Variants in BCAS3 observed in about 807,000 individuals in gnomAD.
BCAS3 encodes the protein BCAS4/BCAS3 fusion.
BCAS3 carries 53 observed loss-of-function variants against 116.1 expected under a neutral mutation model. The ratio of observed to expected loss-of-function variants is 0.46; its 90% CI spans 0.37 to 0.57. The LOEUF (loss-of-function observed/expected upper bound fraction) is 0.57, where lower values mean the gene tolerates loss of function less well. Ranked by LOEUF, BCAS3 falls within the 20% of genes least tolerant of loss-of-function variation. BCAS3 has a pLI of 0.00. For missense variants in BCAS3, 917 were observed against 1,165.4 expected, an observed-to-expected ratio of 0.79 and a Z score of 3.10; for synonymous variants, 391 against 408.2, an observed-to-expected ratio of 0.96 and a Z score of 0.51.
chr17:61,220,079 C>T lies in BCAS3; in HGVS notation c.2425+135515C>T, dbSNP rs938731092. Among the ~76,000 whole-genome samples the T allele has an allele frequency of 5.9e-5, 9 of 152,040 alleles. No individual in the cohort carries two copies. The highest frequency in any genetic ancestry group is 3.4e-3 in the Middle Eastern group (1 of 294). ...GGGAGGTTGAGGTGGGCAGATCACACGGTCAGGAGTTTGAGACCAGCCTGG... is the reference window on the plus strand; with the variant it reads ...GGGAGGTTGAGGTGGGCAGATCACATGGTCAGGAGTTTGAGACCAGCCTGG... On this transcript the variant is annotated intron_variant, in intron 22 of 23. Transcript: ENST00000407086. The surrounding 1 kb of genome is among the most constrained non-coding windows in gnomAD (Gnocchi z 4.5).
intron 16 of BCAS3, chr17:61,027,551 A>G (rs1192037905): frequency 2.9e-5 from 8 of 271,832 alleles, no homozygotes; most frequent in Non-Finnish European, 5.1e-5. Context: ...CTTAGACAGG[A>G]AGGTCATAGA....
chr17:61,112,976 C>T lies in BCAS3; in HGVS notation c.2425+28412C>T, dbSNP rs1408201176. Reference sequence around the variant, plus strand: ...CTACATGGAAACTGAACAACCTGCTCCTGAATGACTACTGGATACATAACG... The same window carrying T: ...CTACATGGAAACTGAACAACCTGCTTCTGAATGACTACTGGATACATAACG... On this transcript the variant is annotated intron_variant, in intron 22 of 23. Coordinates refer to ENST00000407086, the MANE Select transcript of BCAS3 (RefSeq NM_017679.5). Among the ~76,000 whole-genome samples, 6 of 132,222 alleles carry T rather than the reference C, an allele frequency of 4.5e-5. No homozygotes were observed. The East Asian group carries it at 1.4e-3, about 30-fold the overall frequency. 86.7% of individuals were successfully genotyped at this position (132,222 alleles called of 152,430 possible).
intron 6 of BCAS3, among the ~76,000 whole-genome samples, chr17:60,791,663 G>C (rs1394852974): frequency 6.6e-6 from 1 of 152,122 alleles, no homozygotes; most frequent in Non-Finnish European, 1.5e-5. Context: ...CACAAGAAAT[G>C]CTTTTTATCA....
At chr17:60,806,783 C>T (rs957940645) in intron 6 of BCAS3, among the ~76,000 whole-genome samples, 19 of 151,996 alleles carry the variant, frequency 1.3e-4, no homozygotes, top group African/African-American at 3.9e-4. Context: ...CTCCTGCCTC[C>T]GCCTCCCAAA....
intron 14 of BCAS3, chr17:60,987,175 G>A (rs1215318786): frequency 6.6e-6 from 1 of 151,578 alleles, no homozygotes; most frequent in Non-Finnish European, 1.5e-5. Context: ...TCTCTGTTCT[G>A]TTCCATTGGT....
Position 61,279,816 on chromosome 17 carries a change from T to C in BCAS3, c.2426-88511T>C, listed in dbSNP as rs562067504. ...ACTAGGCAGGTAACCACAAGCCAAGTTGGGCTTGGCTGCTGCAGGCTGATT... is the reference window on the plus strand; with the variant it reads ...ACTAGGCAGGTAACCACAAGCCAAGCTGGGCTTGGCTGCTGCAGGCTGATT... On this transcript the variant is annotated intron_variant, in intron 22 of 23. Coordinates refer to ENST00000407086, the MANE Select transcript of BCAS3 (RefSeq NM_017679.5). This position sits in a 1 kb window ranked among gnomAD's most constrained non-coding sequence, Gnocchi z 4.4. Among the ~76,000 whole-genome samples the C allele has an allele frequency of 4.1e-4, 63 of 151,964 alleles. 1 individual carries two copies. Among genetic ancestry groups the C allele is most frequent in the Middle Eastern group, 3.4e-3 (1 of 294 alleles).
intron 22 of BCAS3, among the ~76,000 whole-genome samples, chr17:61,234,198 T>A (rs1007531233): frequency 2.2e-4 from 33 of 152,280 alleles, no homozygotes; most frequent in African/African-American, 7.0e-4. Flanking sequence ...AAGTAAATGA[T>A]AAATCTGCAA....
Position 61,227,524 on chromosome 17 carries a change from A to T in BCAS3, c.2426-140803A>T, listed in dbSNP as rs764700555. ...TTTTGGGAGGAATTTGTGTTTGCCC[A>T]TGAATGAAGTGAAATGACCAGGTAG... On this transcript the variant is annotated intron_variant, in intron 22 of 23. Transcript: ENST00000407086. The surrounding 1 kb of genome is among the most constrained non-coding windows in gnomAD (Gnocchi z 6.1). 2.0e-5 allele frequency among the ~76,000 whole-genome samples: 3 copies of T among 152,240 alleles called. No homozygotes were observed. Among genetic ancestry groups the T allele is most frequent in the Non-Finnish European group, 4.4e-5 (3 of 68,038 alleles).
At chr17:61,085,704 C>T (rs2073034481) in intron 22 of BCAS3, among the ~76,000 whole-genome samples, 1 of 152,076 alleles carries the variant, frequency 6.6e-6, no homozygotes, top group Non-Finnish European at 1.5e-5. Context: ...ATGGTTGTCC[C>T]CTGGAAATGA....
At chr17:61,045,989 T>A (rs867656479) in intron 19 of BCAS3, among the ~76,000 whole-genome samples, 6 of 9,564 alleles carry the variant, frequency 6.3e-4, no homozygotes, top group African/African-American at 3.5e-3. Context: ...ATATATATAT[T>A]TATATATATA....
chr17:61,128,800 C>CA lies in BCAS3; in HGVS notation c.2425+44237dup, dbSNP rs1269825110. 6.6e-6 allele frequency among the ~76,000 whole-genome samples: 1 copy of CA among 152,130 alleles called. No homozygotes were observed. The highest frequency in any genetic ancestry group is 1.5e-5 in the Non-Finnish European group (1 of 68,036). ...AAAAAATCGGCAACTTTTGGTCTGT[C>CA]ACAAGGTCAAGTGATGATTAGTGAT... is the stretch of plus-strand genomic sequence containing the variant. On this transcript the variant is annotated intron_variant, in intron 22 of 23. Transcript: ENST00000407086. The surrounding 1 kb of genome is among the most constrained non-coding windows in gnomAD (Gnocchi z 4.1).
In BCAS3 at chr17:60,910,710, G is replaced by C. The variant is rs775426428; in HGVS notation, c.993+8G>C. The C allele has an allele frequency of 9.4e-6, 15 of 1,599,092 alleles. No homozygotes were observed. The highest frequency in any genetic ancestry group is 1.2e-5 in the Non-Finnish European group (14 of 1,172,904). The stretch of plus-strand genomic sequence containing the variant: ...ACCGTTGGAGAGGGCCAGGTAAGAA[G>C]AACTTTTGGTGCGTACCATGTGTGT... On this transcript the variant is annotated splice_region_variant and intron_variant, in intron 12 of 23. Coordinates refer to ENST00000407086, the MANE Select transcript of BCAS3 (RefSeq NM_017679.5).
rs2072750920 is a variant in BCAS3 at position 61,082,882 on chromosome 17, A to G, written c.2328-1585A>G. Reference sequence around the variant, plus strand: ...TCACCTTCCGGTAATAGATCATCCTATACCTCCCTCCTGTTTTTTCTTCCT... The same window carrying G: ...TCACCTTCCGGTAATAGATCATCCTGTACCTCCCTCCTGTTTTTTCTTCCT... On this transcript the variant is annotated intron_variant, in intron 21 of 23. Coordinates refer to ENST00000407086, the MANE Select transcript of BCAS3 (RefSeq NM_017679.5). This position sits in a 1 kb window ranked among gnomAD's most constrained non-coding sequence, Gnocchi z 5.1. 6.6e-6 allele frequency among the ~76,000 whole-genome samples: 1 copy of G among 152,178 alleles called. No homozygotes were observed. Among genetic ancestry groups the G allele is most frequent in the African/African-American group, 2.4e-5 (1 of 41,438 alleles).
chr17:60,925,045 T>G (rs1447624690), intron 13 of BCAS3, among the ~76,000 whole-genome samples: 3 of 152,100 alleles, frequency 2.0e-5, no homozygotes. Flanking sequence ...TTGTCTTATT[T>G]AAATTCTGCA....
rs1208719488 is a variant in BCAS3, at chr17:61,198,375, C to T, written c.2425+113811C>T. ...CAGGATGTTCTCGATCTCCTGACCT[C>T]GTGATCCACCCGCCTCGGACTCCCA... On this transcript the variant is annotated intron_variant, in intron 22 of 23. Coordinates refer to ENST00000407086, the MANE Select transcript of BCAS3 (RefSeq NM_017679.5). This position sits in a 1 kb window ranked among gnomAD's most constrained non-coding sequence, Gnocchi z 5.0. 2.0e-5 allele frequency among the ~76,000 whole-genome samples: 3 copies of T among 152,082 alleles called. No individual in the cohort carries two copies. Among genetic ancestry groups the T allele is most frequent in the African/African-American group, 4.8e-5 (2 of 41,408 alleles).
chr17:61,018,663 A>G lies in BCAS3; in HGVS notation c.1637+2762A>G, dbSNP rs562983339. ...TCATATTCTCTCCCTCTGCCTGCATAAACACTAACACGTCATTCACGTTCT... is the reference window on the plus strand; with the variant it reads ...TCATATTCTCTCCCTCTGCCTGCATGAACACTAACACGTCATTCACGTTCT... On this transcript the variant is annotated intron_variant, in intron 16 of 23. Transcript: ENST00000407086. Among the ~76,000 whole-genome samples the G allele has an allele frequency of 2.6e-5, 4 of 152,182 alleles. No individual in the cohort carries two copies. In the South Asian group the frequency reaches 6.2e-4, roughly 24 times the overall value.
In BCAS3 at chr17:61,388,772, G is replaced by T. The variant is rs377072629; in HGVS notation, c.2594-3205G>T. The T allele has an allele frequency of 7.1e-5, 102 of 1,446,376 alleles. No individual in the cohort carries two copies. Among genetic ancestry groups the T allele is most frequent in the Middle Eastern group, 1.8e-4 (1 of 5,600 alleles). 89.6% of individuals were successfully genotyped at this position (1,446,376 alleles called of 1,614,324 possible). ...GCTGGGCGGCCGGGATGACTTGGAGGGGGGAATCTGAGCAGCCCTCCTCCC... is the reference window on the plus strand; with the variant it reads ...GCTGGGCGGCCGGGATGACTTGGAGTGGGGAATCTGAGCAGCCCTCCTCCC... On this transcript the variant is annotated intron_variant, in intron 23 of 23. Transcript: ENST00000407086. The surrounding 1 kb of genome is among the most constrained non-coding windows in gnomAD (Gnocchi z 6.5).
At chr17:60,692,571 T>G (rs1461936536) in intron 4 of BCAS3, among the ~76,000 whole-genome samples, 4 of 149,238 alleles carry the variant, frequency 2.7e-5, no homozygotes, top group African/African-American at 1.0e-4. Flanking sequence ...ATCATGCATG[T>G]TGAATATTGA....
At chr17:61,176,138 C>CAAAAAAAAAAAAAA (rs534042215) in intron 22 of BCAS3, among the ~76,000 whole-genome samples, 10 of 50,026 alleles carry the variant, frequency 2.0e-4, no homozygotes, top group African/African-American at 4.0e-4. Flanking sequence ...GACCCTATCT[C>CAAAAAAAAAAAAAA]AAAAAAAAAA....
Sources: allele counts gnomAD v4.1 joint callset (sites outside exome capture counted in the v4.1 genomes callset), GRCh38; gene constraint gnomAD v4.1.1; non-coding constraint Gnocchi (gnomAD v3.1); transcripts MANE v1.5; gene names NCBI Gene and HGNC (gene_info 2026-07-23, HGNC 2026-07-21).